The following NELL2 variants were observed in gnomAD, a reference collection of about 807,000 sequenced individuals.
The protein encoded by NELL2 is protein kinase C-binding protein NELL2.
In NELL2, 41 loss-of-function variants were observed where a neutral mutation model predicts 109.6. The ratio of observed to expected loss-of-function variants is 0.37; its 90% CI spans 0.29 to 0.49. The LOEUF (loss-of-function observed/expected upper bound fraction) is 0.49, where lower values mean the gene tolerates loss of function less well. NELL2 is among the 20% of genes least tolerant of loss of function. The pLI is 0.98. For synonymous variants in NELL2, 355 were observed against 344.7 expected (o/e 1.03, Z -0.33); for missense variants, 900 against 1,008.3 (o/e 0.89, Z 1.45).
chr12:44,623,391 T>C (rs1482675924), intron 13 of NELL2, among the ~76,000 whole-genome samples: 1 of 151,272 alleles, frequency 6.6e-6, no homozygotes, highest in Non-Finnish European at 1.5e-5. Context: ...GAGTGAAATC[T>C]TTTTTTTTGT....
intron 12 of NELL2, among the ~76,000 whole-genome samples, chr12:44,694,736 A>G (rs566789437): frequency 1.6e-3 from 236 of 151,898 alleles, no homozygotes; most frequent in Non-Finnish European, 2.5e-3. Flanking sequence ...TCTCTAGGTT[A>G]TTTCTCCTAG....
At chr12:44,561,312 T>C (rs775829345) in intron 15 of NELL2, among the ~76,000 whole-genome samples, 61 of 152,212 alleles carry the variant, frequency 4.0e-4, no homozygotes, top group Non-Finnish European at 6.9e-4. Flanking sequence ...CAACATAGTA[T>C]TGGAAGTTCT....
chr12:44,818,281 T>G (rs1943420561), intron 2 of NELL2, among the ~76,000 whole-genome samples: 1 of 152,212 alleles, frequency 6.6e-6, no homozygotes, highest in Non-Finnish European at 1.5e-5. Context: ...AGTGAATCAT[T>G]CACAAACTAC....
At chr12:44,612,351 A>G (rs1945651232) in intron 13 of NELL2, among the ~76,000 whole-genome samples, 1 of 152,052 alleles carries the variant, frequency 6.6e-6, no homozygotes. Context: ...ACATTCTTAG[A>G]GATTATTCCC....
intron 15 of NELL2, among the ~76,000 whole-genome samples, chr12:44,571,893 A>T (rs574666161): frequency 2.6e-5 from 4 of 152,214 alleles, no homozygotes. Context: ...ATTAACCATA[A>T]GAATTTTATA....
At chr12:44,647,043 C>T (rs1304443624) in intron 13 of NELL2, among the ~76,000 whole-genome samples, 1 of 152,156 alleles carries the variant, frequency 6.6e-6, no homozygotes, top group Admixed American at 6.5e-5. Flanking sequence ...GACCCTGGGG[C>T]GTTCTGCTCA....
chr12:44,798,649 T>C (rs1452543553), intron 3 of NELL2, among the ~76,000 whole-genome samples: 1 of 152,018 alleles, frequency 6.6e-6, no homozygotes, highest in Non-Finnish European at 1.5e-5. Context: ...ATGTGAAAAA[T>C]ACAAGTACAT....
chr12:44,897,568 A>T (rs1324771219), intron 1 of NELL2, among the ~76,000 whole-genome samples: 1 of 152,160 alleles, frequency 6.6e-6, no homozygotes, highest in East Asian at 1.9e-4. Flanking sequence ...CTGTGCCATA[A>T]CGGACAGTGC....
chr12:44,714,887 A>G (rs1232897368), intron 9 of NELL2, 146 bp from the exon 10 acceptor site: 7 of 445,424 alleles, frequency 1.6e-5, no homozygotes, highest in Non-Finnish European at 2.4e-5. Context: ...AATCTACTGC[A>G]AGGCACATGT....
At chr12:44,773,803 C>T (rs1485412965) in intron 9 of NELL2, among the ~76,000 whole-genome samples, 1 of 152,154 alleles carries the variant, frequency 6.6e-6, no homozygotes, top group Non-Finnish European at 1.5e-5. Context: ...AATATAAATG[C>T]CTTCCTGAGG....
At chr12:44,871,088 T>A (rs1333373699) in intron 2 of NELL2, among the ~76,000 whole-genome samples, 1 of 152,118 alleles carries the variant, frequency 6.6e-6, no homozygotes, top group African/African-American at 2.4e-5. Context: ...ATTCATCCCA[T>A]GCTCAGAACC....
At chr12:44,523,588 A>G in intron 16 of NELL2, 104 bp from the exon 17 acceptor site, 1 of 876,244 alleles carries the variant, frequency 1.1e-6, no homozygotes. Flanking sequence ...TCAACTGTAA[A>G]TTAATTTTCA....
At chr12:44,635,636 G>C (rs765022478) in intron 13 of NELL2, among the ~76,000 whole-genome samples, 1 of 152,114 alleles carries the variant, frequency 6.6e-6, no homozygotes, top group African/African-American at 2.4e-5. Context: ...CTGTTCCATT[G>C]ATCTATACAT....
intron 1 of NELL2, among the ~76,000 whole-genome samples, chr12:44,889,569 T>C (rs1301049228): frequency 2.0e-5 from 3 of 152,054 alleles, no homozygotes; most frequent in South Asian, 4.1e-4. Flanking sequence ...TATTAAAAGA[T>C]AGGGCTTTGC....
intron 1 of NELL2, among the ~76,000 whole-genome samples, chr12:44,903,506 A>C (rs1033341584): frequency 9.9e-5 from 15 of 152,166 alleles, no homozygotes; most frequent in South Asian, 2.1e-4. Context: ...TAGAACTAGA[A>C]ATACCATTTG....
chr12:44,684,340 C>T (rs1948636908), intron 12 of NELL2, among the ~76,000 whole-genome samples: 1 of 152,060 alleles, frequency 6.6e-6, no homozygotes, highest in East Asian at 1.9e-4. Flanking sequence ...AGTGGTCTAT[C>T]AATTTTGTTG....
intron 13 of NELL2, among the ~76,000 whole-genome samples, chr12:44,627,678 A>T (rs1367991948): frequency 6.6e-6 from 1 of 152,206 alleles, no homozygotes; most frequent in Admixed American, 6.5e-5. Flanking sequence ...TTGCCTGCAG[A>T]TATAACTTGT....
In NELL2 at chr12:44,523,377, C is replaced by T. The variant is rs1592064923; in HGVS notation, c.1912G>A (p.Gly638Arg). 2 of 1,614,194 alleles carry T rather than the reference C, an allele frequency of 1.2e-6. No individual in the cohort carries two copies. Among genetic ancestry groups the T allele is most frequent in the Non-Finnish European group, 1.7e-6 (2 of 1,180,024 alleles). Residue 638 changes from glycine to arginine, a missense_variant, in exon 17 of 20, where the codon GGG becomes AGG. By Grantham distance (125) the Gly-to-Arg change is moderately radical (BLOSUM62 -2). Coordinates refer to ENST00000429094, the MANE Select transcript of NELL2 (RefSeq NM_001145108.2). ...CRCPHGKNCT[G>R]DCIHDGKVKH... Reference sequence around the variant, plus strand: ...ACTTTTCCATCATGGATGCAGTCCCCTGTGCAATTCTTTCCATGAGGACAT... The same window carrying T: ...ACTTTTCCATCATGGATGCAGTCCCTTGTGCAATTCTTTCCATGAGGACAT...
chr12:44,717,008 AG>A (rs1434994272), intron 9 of NELL2, among the ~76,000 whole-genome samples: 3 of 152,084 alleles, frequency 2.0e-5, no homozygotes, highest in Non-Finnish European at 4.4e-5. Flanking sequence ...AAAATGAATG[AG>A]GTCACAATTG....
Sources: gnomAD v4.1 joint callset for allele counts (sites outside exome capture counted in the v4.1 genomes callset) on GRCh38, gnomAD v4.1.1 for gene constraint, MANE v1.5 for transcripts, NCBI Gene and HGNC (gene_info 2026-07-23, HGNC 2026-07-21) for gene names.